Variants in AGBL1 observed in about 807,000 individuals in gnomAD.
AGBL1 encodes the protein AGBL carboxypeptidase 1, also known as cytosolic carboxypeptidase 4.
Under a neutral mutation model 118.9 loss-of-function variants are expected in AGBL1, and 130 were observed. The ratio of observed to expected loss-of-function variants is 1.09; its 90% confidence interval spans 0.95 to 1.26. The LOEUF is 1.26. AGBL1 is among the 50% of genes most tolerant of loss of function. The pLI, the probability that AGBL1 is intolerant of heterozygous loss-of-function variation, is 0.00. For synonymous variants in AGBL1, 555 were observed against 478.9 expected, an observed-to-expected ratio of 1.16 and a Z score of -2.08; for missense variants, 1,584 against 1,298.1, an observed-to-expected ratio of 1.22 and a Z score of -3.38.
chr15:86,262,781 G>T lies in AGBL1; in HGVS notation c.973G>T (p.Asp325Tyr). Residue 325 changes from aspartate to tyrosine, a missense_variant, in exon 10 of 23, where the codon GAT becomes TAT. By Grantham distance (160) the Asp-to-Tyr change is radical. Transcript: ENST00000614907. ...TTCTATGACTATTCCATTTTAGGAT[G>T]ATGACTTGGAAACAGACGTGAACAA... ...SDTEDGKVED[D>Y]DLETDVNKLS... 6.3e-7 allele frequency: 1 copy of T among 1,597,284 alleles called. No homozygotes were observed. The highest frequency in any genetic ancestry group is 2.2e-5 in the East Asian group (1 of 44,760).
intron 19 of AGBL1, among the ~76,000 whole-genome samples, chr15:86,540,502 C>T (rs551962157): frequency 5.3e-5 from 8 of 151,940 alleles, no homozygotes; most frequent in East Asian, 1.9e-4. Flanking sequence ...GGCTGAGCCA[C>T]GAGAATTGCT....
At chr15:86,801,210 G>T (rs1236864814) in intron 22 of AGBL1, among the ~76,000 whole-genome samples, 1 of 151,930 alleles carries the variant, frequency 6.6e-6, no homozygotes, top group Non-Finnish European at 1.5e-5. Flanking sequence ...TTTTTCTTCT[G>T]AATTCTATCA....
intron 18 of AGBL1, among the ~76,000 whole-genome samples, chr15:86,489,710 G>A (rs548343478): frequency 1.3e-5 from 2 of 152,254 alleles, no homozygotes; most frequent in African/African-American, 4.8e-5. Context: ...AACTAGTTGT[G>A]AGAGATGGTC....
chr15:86,217,066 C>G (rs548660848), intron 5 of AGBL1, among the ~76,000 whole-genome samples: 38 of 152,328 alleles, frequency 2.5e-4, no homozygotes, highest in African/African-American at 9.1e-4. Flanking sequence ...AATCTTGTAA[C>G]CCATTCCTCT....
chr15:86,667,214 C>CTATG (rs769766717), intron 21 of AGBL1, among the ~76,000 whole-genome samples: 635 of 35,668 alleles, frequency 0.018, 3 homozygotes, highest in Admixed American at 0.024. Flanking sequence ...ATGTATGTAT[C>CTATG]TATGTATGTA....
At chr15:86,219,437 C>T (rs2078243308) in intron 5 of AGBL1, among the ~76,000 whole-genome samples, 1 of 152,118 alleles carries the variant, frequency 6.6e-6, no homozygotes, top group South Asian at 2.1e-4. Flanking sequence ...CACACCATCC[C>T]ATCAGTTAGA....
intron 22 of AGBL1, among the ~76,000 whole-genome samples, chr15:86,713,469 G>A (rs761931192): frequency 2.0e-5 from 3 of 152,092 alleles, no homozygotes; most frequent in Non-Finnish European, 2.9e-5. Flanking sequence ...CTCTTGGTCT[G>A]GACTGCATGG....
chr15:86,693,298 C>G (rs1048484123), intron 22 of AGBL1, among the ~76,000 whole-genome samples: 11 of 152,058 alleles, frequency 7.2e-5, no homozygotes, highest in African/African-American at 2.4e-4. Context: ...GCCACTCTTG[C>G]AGGAGTAAAG....
rs147844317 is a variant in AGBL1, at chr15:86,565,253, T to C, written c.2994+10716T>C. Among the ~76,000 whole-genome samples, 1,504 of 152,340 alleles carry C rather than the reference T, an allele frequency of 9.9e-3. 12 individuals carry two copies. Among genetic ancestry groups the C allele is most frequent in the Non-Finnish European group, 0.017 (1,156 of 68,026 alleles). The stretch of plus-strand genomic sequence containing the variant: ...TTTCCTGCTCTGTTTTTTCCCCATC[T>C]TTGTGGTTTTAACTACCTTTGGTCT... On this transcript the variant is annotated intron_variant, in intron 21 of 22. Coordinates refer to ENST00000614907, the MANE Select transcript of AGBL1 (RefSeq NM_001386094.1).
chr15:86,709,146 T>C (rs960785441), intron 22 of AGBL1, among the ~76,000 whole-genome samples: 1 of 152,158 alleles, frequency 6.6e-6, no homozygotes, highest in Non-Finnish European at 1.5e-5. Context: ...GAAAACACTT[T>C]TCTCATCCCT....
chr15:86,844,360 T>A (rs1230841673), intron 22 of AGBL1, among the ~76,000 whole-genome samples: 1 of 152,182 alleles, frequency 6.6e-6, no homozygotes, highest in Admixed American at 6.5e-5. Context: ...TTTTCCTACA[T>A]CCTTGTCAAC....
At chr15:86,649,065 G>A (rs936224277) in intron 21 of AGBL1, among the ~76,000 whole-genome samples, 7 of 152,160 alleles carry the variant, frequency 4.6e-5, no homozygotes, top group African/African-American at 1.7e-4. Flanking sequence ...TGATCTAGCA[G>A]AGAGGTAAAG....
chr15:86,614,650 A>G (rs1313171157), intron 21 of AGBL1, among the ~76,000 whole-genome samples: 1 of 152,202 alleles, frequency 6.6e-6, no homozygotes, highest in Non-Finnish European at 1.5e-5. Flanking sequence ...GTTAGGAAAA[A>G]TGTGCACAAT....
chr15:86,631,949 G>GAGGCCC (rs2084976009), intron 21 of AGBL1, among the ~76,000 whole-genome samples: 2 of 151,842 alleles, frequency 1.3e-5, no homozygotes, highest in Non-Finnish European at 2.9e-5. Context: ...AGCACTTTGA[G>GAGGCCC]AGGCCCGAGG....
intron 22 of AGBL1, among the ~76,000 whole-genome samples, chr15:86,713,235 A>G (rs746200829): frequency 1.3e-5 from 2 of 152,196 alleles, no homozygotes; most frequent in South Asian, 4.1e-4. Context: ...AAGGACAAAG[A>G]TAGAAAATTC....
intron 21 of AGBL1, among the ~76,000 whole-genome samples, chr15:86,667,477 C>T (rs1254128628): frequency 6.6e-6 from 1 of 152,074 alleles, no homozygotes; most frequent in African/African-American, 2.4e-5. Flanking sequence ...AATACTTTCT[C>T]TTCAAAATTA....
chr15:86,171,324 T>C (rs1239543045), intron 5 of AGBL1, among the ~76,000 whole-genome samples: 4 of 151,664 alleles, frequency 2.6e-5, no homozygotes, highest in South Asian at 2.1e-4. Flanking sequence ...GGAGTTTATA[T>C]TTTTTGTAAA....
chr15:86,311,201 C>A (rs1017442161), intron 17 of AGBL1, among the ~76,000 whole-genome samples: 3 of 152,204 alleles, frequency 2.0e-5, no homozygotes, highest in African/African-American at 7.2e-5. Flanking sequence ...TTCAGCAATG[C>A]ATCAAAAATG....
chr15:86,399,965 G>C (rs2081420949), intron 18 of AGBL1, among the ~76,000 whole-genome samples: 1 of 152,132 alleles, frequency 6.6e-6, no homozygotes, highest in Non-Finnish European at 1.5e-5. Context: ...GGAAATCATA[G>C]TGTTATTCTA....
Sources: gnomAD v4.1 joint callset for allele counts (sites outside exome capture counted in the v4.1 genomes callset) on GRCh38, gnomAD v4.1.1 for gene constraint, MANE v1.5 for transcripts, NCBI Gene and HGNC (gene_info 2026-07-23, HGNC 2026-07-21) for gene names.